The following MIOS variants were observed in gnomAD, a reference collection of about 807,000 sequenced individuals.
MIOS encodes GATOR2 complex protein MIOS.
A neutral mutation model predicts 96.9 loss-of-function variants in MIOS; 52 were observed. The observed-to-expected ratio is 0.54, with a 90% CI of 0.43 to 0.68. MIOS has a LOEUF of 0.68. Among genes scored for constraint, MIOS ranks in the 30% least tolerant of loss-of-function variants. MIOS has a pLI of 0.00. For missense variants in MIOS, 1,005 were observed against 1,052.8 expected (o/e 0.95, Z 0.63); for synonymous variants, 397 against 359.5 (o/e 1.10, Z -1.18).
chr7:7,607,189 TTACC>T lies in MIOS; in HGVS notation c.*99_*102del. ...TACCTCAGAACAAGCCATTCATGAC[TTACC>T]TGTAATGGGAAAATAAATCATTCTA... is the stretch of plus-strand genomic sequence containing the variant. On this transcript the variant is annotated 3_prime_UTR_variant, in exon 13 of 13. Transcript: ENST00000340080. 1.2e-6 allele frequency: 1 copy of T among 816,280 alleles called. No individual in the cohort carries two copies. Among genetic ancestry groups the T allele is most frequent in the Non-Finnish European group, 1.9e-6 (1 of 515,368 alleles). The allele number at this position is 816,280 out of a possible 1,614,324, so 50.6% of individuals were successfully genotyped here. A position where few individuals can be genotyped will look rare whatever the true frequency, so the allele number is the denominator to read the frequency against.
At chr7:7,576,518 C>T (rs966411754) in intron 5 of MIOS, among the ~76,000 whole-genome samples, 2 of 152,092 alleles carry the variant, frequency 1.3e-5, no homozygotes, top group African/African-American at 4.8e-5. Flanking sequence ...GCAGCATGTG[C>T]AGTGGACCCA....
At chr7:7,569,612 G>A (rs1783280208) in intron 3 of MIOS, among the ~76,000 whole-genome samples, 1 of 152,136 alleles carries the variant, frequency 6.6e-6, no homozygotes, top group Non-Finnish European at 1.5e-5. Flanking sequence ...ACTGTACTGG[G>A]GACTAGAGGT....
chr7:7,573,159 G>T lies in MIOS; in HGVS notation c.684G>T (p.Gln228His). The part of the protein sequence containing the change: ...QKMFVNTKAV[Q>H]GVTVDPYFHD... ...TGTTCGTAAATACAAAAGCTGTTCA[G>T]GGTGTGACGGTAGACCCATATTTCC... The change falls in exon 4 of 13, where the codon CAG (glutamine) becomes CAT (histidine). Residue 228 changes from glutamine (Q) to histidine (H), a missense_variant. Physicochemically the swap from Gln to His is conservative, Grantham distance 24. Coordinates refer to ENST00000340080, the MANE Select transcript of MIOS (RefSeq NM_019005.4). This position sits in a 1 kb window ranked among gnomAD's most constrained non-coding sequence, Gnocchi z 5.0. The T allele has an allele frequency of 6.2e-7, 1 of 1,614,096 alleles. No individual in the cohort carries two copies. The highest frequency in any genetic ancestry group is 2.2e-5 in the East Asian group (1 of 44,882).
chr7:7,602,817 C>CTA (rs1368057645), intron 11 of MIOS, among the ~76,000 whole-genome samples: 3 of 152,062 alleles, frequency 2.0e-5, no homozygotes, highest in African/African-American at 7.2e-5. Context: ...TGACTTCAAA[C>CTA]TATACTACAA....
intron 6 of MIOS, 80 bp downstream of exon 6, chr7:7,583,452 A>T: frequency 7.3e-7 from 1 of 1,377,716 alleles, no homozygotes; most frequent in Non-Finnish European, 9.6e-7. Context: ...AAAGAGGCTA[A>T]TAATTTTCAA....
chr7:7,596,571 G>A, intron 11 of MIOS, 110 bp downstream of exon 11: 1 of 1,111,154 alleles, frequency 9.0e-7, no homozygotes, highest in Non-Finnish European at 1.3e-6. Context: ...TTCTAAGAAA[G>A]GGCAGTTTAC....
chr7:7,572,826 T>C lies in MIOS; in HGVS notation c.351T>C (p.Asn117=), dbSNP rs192552962. The change falls in exon 4 of 13, where the codon AAT becomes AAC. Residue 117 remains asparagine, a synonymous_variant. Coordinates refer to ENST00000340080, the MANE Select transcript of MIOS (RefSeq NM_019005.4). This position sits in a 1 kb window ranked among gnomAD's most constrained non-coding sequence, Gnocchi z 4.8. The part of the protein sequence containing the change: ...EFVPKHARQC[N]TLAWNPLDSN... ...TTCCAAAACATGCACGACAATGTAATACCCTTGCCTGGAATCCACTGGATA... is the reference window on the plus strand; with the variant it reads ...TTCCAAAACATGCACGACAATGTAACACCCTTGCCTGGAATCCACTGGATA... 1.7e-4 allele frequency: 279 copies of C among 1,614,158 alleles called. 1 individual carries two copies. In the East Asian group the frequency reaches 4.7e-3, roughly 27 times the overall value.
Position 7,607,783 on chromosome 7 carries a change from A to G in MIOS, c.*691A>G, listed in dbSNP as rs1396915867. 1 of 152,104 alleles carries G rather than the reference A, an allele frequency of 6.6e-6. No individual in the cohort carries two copies. The highest frequency in any genetic ancestry group is 2.4e-5 in the African/African-American group (1 of 41,432). 9.4% of individuals were successfully genotyped at this position (152,104 alleles called of 1,614,324 possible). A position where few individuals can be genotyped will look rare whatever the true frequency, so the allele number is the denominator to read the frequency against. ...GCCAAGATGAAGAATCTATCTTACAACTTTTTCTCTTCAGTAGAGAAAAAC... is the reference window on the plus strand; with the variant it reads ...GCCAAGATGAAGAATCTATCTTACAGCTTTTTCTCTTCAGTAGAGAAAAAC... On this transcript the variant is annotated 3_prime_UTR_variant, in exon 13 of 13. Transcript: ENST00000340080.
intron 11 of MIOS, among the ~76,000 whole-genome samples, chr7:7,602,184 C>T (rs1297977700): frequency 6.6e-6 from 1 of 152,188 alleles, no homozygotes; most frequent in Non-Finnish European, 1.5e-5. Flanking sequence ...TGCCCTCTCT[C>T]ACCACTCCTA....
chr7:7,576,246 A>G (rs1334806007), intron 5 of MIOS, among the ~76,000 whole-genome samples: 2 of 152,184 alleles, frequency 1.3e-5, no homozygotes, highest in Non-Finnish European at 2.9e-5. Flanking sequence ...CATGCATGCT[A>G]TATGCCAGGA....
At chr7:7,602,370 G>C (rs1364353481) in intron 11 of MIOS, among the ~76,000 whole-genome samples, 1 of 152,152 alleles carries the variant, frequency 6.6e-6, no homozygotes, top group Non-Finnish European at 1.5e-5. Context: ...AGCAACTTCA[G>C]CAAAGTCTCA....
chr7:7,597,651 T>G (rs536918925), intron 11 of MIOS, among the ~76,000 whole-genome samples: 6 of 151,120 alleles, frequency 4.0e-5, no homozygotes, highest in African/African-American at 1.5e-4. Context: ...AAATAACAAT[T>G]TGGAATATAT....
chr7:7,579,381 T>A (rs1214233815), intron 5 of MIOS, among the ~76,000 whole-genome samples: 1 of 152,212 alleles, frequency 6.6e-6, no homozygotes, highest in Non-Finnish European at 1.5e-5. Context: ...TTTGAATTCA[T>A]TTTCAGTCAT....
chr7:7,595,380 A>G (rs1784174252), intron 10 of MIOS, among the ~76,000 whole-genome samples: 1 of 152,188 alleles, frequency 6.6e-6, no homozygotes, highest in Admixed American at 6.5e-5. Flanking sequence ...GTGTATTTCC[A>G]GCCCTTTCAG....
rs576970061 is a variant in MIOS at position 7,567,356 on chromosome 7, C to G, written c.-220-251C>G. 3 of 152,634 alleles carry G rather than the reference C, an allele frequency of 2.0e-5. No individual in the cohort carries two copies. The East Asian group carries it at 5.8e-4, about 29-fold the overall frequency. The allele number at this position is 152,634 out of a possible 1,614,324, so 9.5% of individuals were successfully genotyped here. A position where few individuals can be genotyped will look rare whatever the true frequency, so the allele number is the denominator to read the frequency against. ...TGGGGAGCGGCGTCCCAGCCTTTCC[C>G]GGGAGGCTCAGCCAGGTGCCTGGAG... is the stretch of plus-strand genomic sequence containing the variant. On this transcript the variant is annotated intron_variant, in intron 1 of 12. Coordinates refer to ENST00000340080, the MANE Select transcript of MIOS (RefSeq NM_019005.4).
At chr7:7,599,468 G>T (rs1054791794) in intron 11 of MIOS, among the ~76,000 whole-genome samples, 1 of 152,162 alleles carries the variant, frequency 6.6e-6, no homozygotes, top group Non-Finnish European at 1.5e-5. Flanking sequence ...CTATCTGAAG[G>T]ATATCTGGAA....
chr7:7,589,485 T>C lies in MIOS; in HGVS notation c.1965T>C (p.Thr655=), dbSNP rs757682800. The C allele has an allele frequency of 1.2e-6, 2 of 1,613,758 alleles. No homozygotes were observed. Among genetic ancestry groups the C allele is most frequent in the South Asian group, 2.2e-5 (2 of 91,052 alleles). Residue 655 remains threonine (T), a synonymous_variant, in exon 9 of 13, where the codon ACT becomes ACC. Coordinates refer to ENST00000340080, the MANE Select transcript of MIOS (RefSeq NM_019005.4). ...NLEGILLTGL[T]KDGVDLMESY... is the part of the protein sequence containing the mutation. The stretch of plus-strand genomic sequence containing the variant: ...AAGGAATTTTGCTTACAGGCCTTAC[T>C]AAAGATGGAGTGGACTTAATGGAGA...
chr7:7,585,508 C>G (rs756741667), intron 6 of MIOS, 128 bp from the exon 7 acceptor site: 23 of 721,330 alleles, frequency 3.2e-5, no homozygotes, highest in Middle Eastern at 5.6e-4. Flanking sequence ...AGCCCAAAAC[C>G]CTTATTCTCT....
rs764149288 is a variant in MIOS at position 7,573,266 on chromosome 7, C to T, written c.791C>T (p.Thr264Ile). The change falls in exon 4 of 13, where the codon ACT (threonine) becomes ATT (isoleucine). Residue 264 changes from threonine (T) to isoleucine (I), a missense_variant. Physicochemically the swap from Thr to Ile is moderately conservative, Grantham distance 89 (BLOSUM62 -1). This residue lies in a region of MIOS where 865 missense variants were observed against 887.9 expected (regional missense o/e 0.97). Transcript: ENST00000340080. This position sits in a 1 kb window ranked among gnomAD's most constrained non-coding sequence, Gnocchi z 5.0. The stretch of plus-strand genomic sequence containing the variant: ...TTTGAGAAGCCAGTTTTGACATTGA[C>T]TGAGCAACCAAAACCCTTAACAAAA... The part of the protein sequence containing the change: ...RKFEKPVLTL[T>I]EQPKPLTKVA... 1.9e-6 allele frequency: 3 copies of T among 1,613,942 alleles called. No individual in the cohort carries two copies. In the Admixed American group the frequency reaches 5.0e-5, roughly 27 times the overall value.
Sources: allele counts gnomAD v4.1 joint callset (sites outside exome capture counted in the v4.1 genomes callset), GRCh38; gene constraint gnomAD v4.1.1; regional missense constraint gnomAD v4.1.1; non-coding constraint Gnocchi (gnomAD v3.1); transcripts MANE v1.5; gene names NCBI Gene and HGNC (gene_info 2026-07-23, HGNC 2026-07-21).